VGLL2: variants seen among roughly 807,000 people sequenced by gnomAD.
VGLL2 encodes vestigial like family member 2, also known as transcription cofactor vestigial-like protein 2.
VGLL2 carries 18 observed loss-of-function variants against 27.0 expected under a neutral mutation model. That is an observed-to-expected ratio of 0.67 (90% CI 0.46 to 0.99). The LOEUF is 0.99. VGLL2 is among the 50% of genes least tolerant of loss of function. The probability of loss-of-function intolerance (pLI) is 0.00; values close to 1 mark genes in which losing one functional copy is unlikely to be tolerated. For missense variants in VGLL2, 491 were observed against 452.3 expected (o/e 1.09, Z -0.78); for synonymous variants, 220 against 201.1 (o/e 1.09, Z -0.80).
chr6:117,266,716 C>T (rs1375621047), intron 1 of VGLL2, among the ~76,000 whole-genome samples: 1 of 152,128 alleles, frequency 6.6e-6, no homozygotes, highest in African/African-American at 2.4e-5. Context: ...AATCATACAC[C>T]TGGGAGGCTG....
rs1773052685 is a variant in VGLL2, at chr6:117,265,740, T to C, written c.-24T>C. ...GAAGGAGAGTTAATGAAAAAACACT[T>C]AACCGTCTCCGCTGCGGAGAGTCAT... On this transcript the variant is annotated 5_prime_UTR_variant, in exon 1 of 4. Transcript: ENST00000326274. The C allele has an allele frequency of 6.2e-7, 1 of 1,607,782 alleles. No individual in the cohort carries two copies. The highest frequency in any genetic ancestry group is 1.3e-5 in the African/African-American group (1 of 74,900).
chr6:117,272,355 C>T (rs1724777), intron 3 of VGLL2, 99 bp from the exon 4 acceptor site: 30,341 of 1,606,348 alleles, frequency 0.019, 1,145 homozygotes, highest in Admixed American at 0.12. Context: ...GGTTTTAGAC[C>T]GCCCACCTTC....
At chr6:117,265,922 T>G (rs1397231385) in intron 1 of VGLL2, 78 bp downstream of exon 1, 9 of 1,339,886 alleles carry the variant, frequency 6.7e-6, no homozygotes, top group African/African-American at 1.4e-5. Context: ...CGCCAAGGTC[T>G]GCTGTGCCTC....
chr6:117,268,235 C>T lies in VGLL2; in HGVS notation c.135C>T (p.Pro45=). The change falls in exon 2 of 4, where the codon CCC becomes CCT. Residue 45 remains proline (P), a synonymous_variant. Coordinates refer to ENST00000326274, the MANE Select transcript of VGLL2 (RefSeq NM_182645.3). ...MQEAQECNAS[P]SSSGSGSSSF... is the part of the protein sequence containing the mutation. ...AAGCGCAGGAGTGCAATGCCAGCCC[C>T]AGCAGCAGTGGCAGCGGCAGCTCCT... 6.2e-7 allele frequency: 1 copy of T among 1,614,198 alleles called. No individual in the cohort carries two copies. Among genetic ancestry groups the T allele is most frequent in the Non-Finnish European group, 8.5e-7 (1 of 1,180,032 alleles).
intron 2 of VGLL2, 53 bp from the exon 3 acceptor site, chr6:117,270,490 T>C (rs1773161796): frequency 6.6e-7 from 1 of 1,517,494 alleles, no homozygotes; most frequent in Non-Finnish European, 8.8e-7. Context: ...CCAGCCGCAG[T>C]GACACGCACC....
At chr6:117,269,548 G>A (rs1773138963) in intron 2 of VGLL2, among the ~76,000 whole-genome samples, 2 of 152,130 alleles carry the variant, frequency 1.3e-5, no homozygotes, top group South Asian at 4.1e-4. Flanking sequence ...GCCTAAATAT[G>A]TTTAACAGGA....
At chr6:117,266,538 A>G (rs1179460720) in intron 1 of VGLL2, among the ~76,000 whole-genome samples, 1 of 152,202 alleles carries the variant, frequency 6.6e-6, no homozygotes, top group Non-Finnish European at 1.5e-5. Flanking sequence ...CCTGCTTCCA[A>G]CAAACACTTT....
At chr6:117,271,213 T>C in intron 3 of VGLL2, 149 bp downstream of exon 3, 1 of 691,844 alleles carries the variant, frequency 1.4e-6, no homozygotes, top group Admixed American at 4.6e-5. Flanking sequence ...CACTGATACA[T>C]GGCCCTGTGC....
rs1417674812 is a variant in VGLL2 at position 117,273,141 on chromosome 6, C to A, written c.*647C>A. 6.5e-6 allele frequency: 1 copy of A among 152,768 alleles called. No homozygotes were observed. Among genetic ancestry groups the A allele is most frequent in the African/African-American group, 2.4e-5 (1 of 41,424 alleles). 9.5% of individuals were successfully genotyped at this position (152,768 alleles called of 1,614,324 possible). A position where few individuals can be genotyped will look rare whatever the true frequency, so the allele number is the denominator to read the frequency against. ...CTAAAATGCAGCTGTTGTTAGACAA[C>A]TGTTGAAAACTCCAGAAATACATCA... On this transcript the variant is annotated 3_prime_UTR_variant, in exon 4 of 4. Coordinates refer to ENST00000326274, the MANE Select transcript of VGLL2 (RefSeq NM_182645.3).
At chr6:117,272,370 C>T in intron 3 of VGLL2, 84 bp from the exon 4 acceptor site, 1 of 1,612,404 alleles carries the variant, frequency 6.2e-7, no homozygotes, top group Non-Finnish European at 8.5e-7. Context: ...ACCTTCTTCC[C>T]TGTAGGTCTC....
At chr6:117,270,395 C>A in intron 2 of VGLL2, 148 bp from the exon 3 acceptor site, 1 of 1,014,570 alleles carries the variant, frequency 9.9e-7, no homozygotes, top group Non-Finnish European at 1.3e-6. Flanking sequence ...CGGGGGCTGC[C>A]CATCAGCCCC....
Position 117,271,023 on chromosome 6 carries a change from C to T in VGLL2, c.872C>T (p.Ser291Leu), listed in dbSNP as rs781016155. ...CCCGGGGGACCCTTCGCGAGCCCCT[C>T]GGGGGACGTGGCCCAGGGTCTGGGC... is the stretch of plus-strand genomic sequence containing the variant. ...AGPGGPFASP[S>L]GDVAQGLGLS... Residue 291 changes from serine to leucine, a missense_variant, in exon 3 of 4, where the codon TCG becomes TTG. Coordinates refer to ENST00000326274, the MANE Select transcript of VGLL2 (RefSeq NM_182645.3). 4.2e-4 allele frequency: 517 copies of T among 1,232,248 alleles called. No individual in the cohort carries two copies. Among genetic ancestry groups the T allele is most frequent in the Middle Eastern group, 6.2e-4 (2 of 3,246 alleles). 76.3% of individuals were successfully genotyped at this position (1,232,248 alleles called of 1,614,324 possible).
chr6:117,265,932 C>T, intron 1 of VGLL2, 88 bp downstream of exon 1: 2 of 1,273,448 alleles, frequency 1.6e-6, no homozygotes, highest in Non-Finnish European at 2.3e-6. Flanking sequence ...TGCTGTGCCT[C>T]CGCGCGTCTC....
rs752901519 is a variant in VGLL2 at position 117,270,641 on chromosome 6, A to C, written c.490A>C (p.Thr164Pro). The C allele has an allele frequency of 6.3e-7, 1 of 1,582,278 alleles. No individual in the cohort carries two copies. Among genetic ancestry groups the C allele is most frequent in the Admixed American group, 1.7e-5 (1 of 58,118 alleles). The stretch of plus-strand genomic sequence containing the variant: ...CCCGCCGCTGGGCAGCCCTCTGGCC[A>C]CCGCGCACTCGGAGCTGCCCTTCGC... ...VPPPLGSPLA[T>P]AHSELPFAAA... The change falls in exon 3 of 4, where the codon ACC becomes CCC. Residue 164 changes from threonine to proline, a missense_variant. Thr to Pro is a conservative substitution (Grantham distance 38). Transcript: ENST00000326274.
At chr6:117,266,305 G>T (rs533572989) in intron 1 of VGLL2, among the ~76,000 whole-genome samples, 1 of 152,306 alleles carries the variant, frequency 6.6e-6, no homozygotes, top group African/African-American at 2.4e-5. Flanking sequence ...TCTCATCCCT[G>T]CAAGTTTATC....
intron 1 of VGLL2, 47 bp from the exon 2 acceptor site, chr6:117,268,135 C>A: frequency 6.3e-7 from 1 of 1,582,266 alleles, no homozygotes; most frequent in Non-Finnish European, 8.6e-7. Context: ...ACCGAATTTG[C>A]CATCGCTTTT....
At chr6:117,271,299 T>A (rs1171703194) in intron 3 of VGLL2, among the ~76,000 whole-genome samples, 5 of 135,590 alleles carry the variant, frequency 3.7e-5, no homozygotes, top group African/African-American at 1.4e-4. Context: ...ACTTTTAAAA[T>A]AATAATAATA....
At chr6:117,265,927 T>C (rs2128516273) in intron 1 of VGLL2, 83 bp downstream of exon 1, 5 of 1,305,654 alleles carry the variant, frequency 3.8e-6, no homozygotes, top group Non-Finnish European at 5.5e-6. Flanking sequence ...AGGTCTGCTG[T>C]GCCTCCGCGC....
chr6:117,273,200 A>C lies in VGLL2; in HGVS notation c.*706A>C, dbSNP rs1045188438. On this transcript the variant is annotated 3_prime_UTR_variant, in exon 4 of 4. Coordinates refer to ENST00000326274, the MANE Select transcript of VGLL2 (RefSeq NM_182645.3). The stretch of plus-strand genomic sequence containing the variant: ...GGCAGTTCTCAGTATTTGGCAGAAC[A>C]ATTGCAATTGCACTGGGTATATTAT... 3.9e-5 allele frequency: 6 copies of C among 152,642 alleles called. No homozygotes were observed. Among genetic ancestry groups the C allele is most frequent in the African/African-American group, 1.4e-4 (6 of 41,434 alleles). The allele number at this position is 152,642 out of a possible 1,614,324, so 9.5% of individuals were successfully genotyped here. A position where few individuals can be genotyped will look rare whatever the true frequency, so the allele number is the denominator to read the frequency against.
Sources: allele counts gnomAD v4.1 joint callset (sites outside exome capture counted in the v4.1 genomes callset), GRCh38; gene constraint gnomAD v4.1.1; transcripts MANE v1.5; gene names NCBI Gene and HGNC (gene_info 2026-07-23, HGNC 2026-07-21).